The following PXYLP1 variants were observed in gnomAD, a reference collection of about 807,000 sequenced individuals.
The protein encoded by PXYLP1 is 2-phosphoxylose phosphatase 1.
In PXYLP1, 17 loss-of-function variants were observed where a neutral mutation model predicts 37.9. The ratio of observed to expected loss-of-function variants is 0.45; its 90% confidence interval spans 0.31 to 0.67. The LOEUF is 0.67. Among genes scored for constraint, PXYLP1 ranks in the 30% least tolerant of loss-of-function variants. PXYLP1 has a pLI of 0.07. For synonymous variants in PXYLP1, 221 were observed against 232.2 expected, an observed-to-expected ratio of 0.95 and a Z score of 0.44; for missense variants, 511 against 612.0, an observed-to-expected ratio of 0.84 and a Z score of 1.74.
At chr3:141,233,482 A>C (rs932386094) in intron 1 of PXYLP1, among the ~76,000 whole-genome samples, 6 of 151,786 alleles carry the variant, frequency 4.0e-5, no homozygotes, top group African/African-American at 9.7e-5. Flanking sequence ...AAAAAAAAAA[A>C]AAACCCTCGT....
intron 1 of PXYLP1, among the ~76,000 whole-genome samples, chr3:141,249,373 A>G (rs533337881): frequency 2.0e-5 from 3 of 151,814 alleles, no homozygotes; most frequent in East Asian, 3.9e-4. Flanking sequence ...CCGTTCCTAT[A>G]TAATATTGTT....
chr3:141,249,733 C>T (rs547432952), intron 1 of PXYLP1, among the ~76,000 whole-genome samples: 19 of 152,248 alleles, frequency 1.2e-4, no homozygotes, highest in African/African-American at 4.6e-4. Context: ...AGCTTCTCGA[C>T]ATTCTAAAAT....
At chr3:141,250,099 G>A (rs1441939645) in intron 1 of PXYLP1, among the ~76,000 whole-genome samples, 1 of 152,124 alleles carries the variant, frequency 6.6e-6, no homozygotes, top group African/African-American at 2.4e-5. Context: ...AGAAATGGTA[G>A]CTAAATAATT....
chr3:141,274,499 T>C, intron 2 of PXYLP1: 1 of 1,524,548 alleles, frequency 6.6e-7, no homozygotes, highest in Non-Finnish European at 8.8e-7. Context: ...AGGTGTCTCC[T>C]CTGGGAAGCC....
intron 1 of PXYLP1, among the ~76,000 whole-genome samples, chr3:141,250,088 AAG>A (rs1364168881): frequency 6.6e-6 from 1 of 152,190 alleles, no homozygotes; most frequent in Non-Finnish European, 1.5e-5. Flanking sequence ...CCTTTTAGGA[AAG>A]AAATGGTAGC....
chr3:141,244,636 C>T (rs868157364), intron 1 of PXYLP1, among the ~76,000 whole-genome samples: 37 of 148,940 alleles, frequency 2.5e-4, no homozygotes, highest in African/African-American at 6.5e-4. Flanking sequence ...TTTAACTTGG[C>T]GATATTTCTT....
At chr3:141,266,445 A>G (rs1378014118) in intron 2 of PXYLP1, among the ~76,000 whole-genome samples, 1 of 152,088 alleles carries the variant, frequency 6.6e-6, no homozygotes, top group African/African-American at 2.4e-5. Flanking sequence ...TGCGGTGCAG[A>G]TGGAAGAGAG....
Position 141,278,406 on chromosome 3 carries a change from GCCCGA to G in PXYLP1, c.148_152del (p.Asp50CysfsTer12). On this transcript the variant is annotated frameshift_variant, in exon 3 of 6. Coordinates refer to ENST00000286353, the MANE Select transcript of PXYLP1 (RefSeq NM_001037172.3). LOFTEE classifies it high-confidence loss of function. The stretch of plus-strand genomic sequence containing the variant: ...GTAGCAAGAGTCGAAAGAGAATCAT[GCCCGA>G]CCCTGTGACGGAGCCCCCTGTGACA... The G allele has an allele frequency of 6.2e-7, 1 of 1,614,190 alleles. No individual in the cohort carries two copies. Among genetic ancestry groups the G allele is most frequent in the Non-Finnish European group, 8.5e-7 (1 of 1,180,034 alleles).
At chr3:141,268,196 AGAGAGAGAGAGTGTGTGTGTGTGT>A (rs1362578910) in intron 2 of PXYLP1, among the ~76,000 whole-genome samples, 2 of 55,810 alleles carry the variant, frequency 3.6e-5, no homozygotes, top group African/African-American at 8.6e-5. Flanking sequence ...AGAGAGAGAG[AGAGAGAGAGAGTGTGTGTGTGTGT>A]GTGTGTGTGT....
intron 5 of PXYLP1, among the ~76,000 whole-genome samples, chr3:141,287,854 C>T (rs1477191878): frequency 6.6e-6 from 1 of 152,234 alleles, no homozygotes; most frequent in Non-Finnish European, 1.5e-5. Flanking sequence ...TAATATTTCC[C>T]TATGAATAAC....
chr3:141,269,422 A>G (rs1251542416), intron 2 of PXYLP1, among the ~76,000 whole-genome samples: 1 of 152,026 alleles, frequency 6.6e-6, no homozygotes, highest in Non-Finnish European at 1.5e-5. Flanking sequence ...TTTTCTTTTT[A>G]TACTTTAGTG....
chr3:141,248,311 G>T (rs1408499351), intron 1 of PXYLP1, among the ~76,000 whole-genome samples: 1 of 152,016 alleles, frequency 6.6e-6, no homozygotes, highest in Non-Finnish European at 1.5e-5. Flanking sequence ...GATTACAGGA[G>T]TGAGCCACTG....
chr3:141,251,087 A>T (rs1941129881), intron 1 of PXYLP1, among the ~76,000 whole-genome samples: 2 of 152,222 alleles, frequency 1.3e-5, no homozygotes, highest in South Asian at 4.1e-4. Context: ...GAGCCCCATG[A>T]AGAGTACCAG....
chr3:141,249,111 G>A (rs557601887), intron 1 of PXYLP1, among the ~76,000 whole-genome samples: 6 of 151,916 alleles, frequency 3.9e-5, no homozygotes, highest in East Asian at 3.9e-4. Context: ...TGAGACAGCC[G>A]TGTTCTCAGA....
chr3:141,287,398 C>A lies in PXYLP1; in HGVS notation c.450C>A (p.Ser150=). ...SGASFESPLN[S]LPLYPNHPLC... ...CCTCTTTCGAAAGCCCCTTGAACTC[C>A]TTGCCTCTTTACCCAAATCACCCAT... The change falls in exon 5 of 6, where the codon TCC becomes TCA. Residue 150 remains serine (S), a synonymous_variant. Coordinates refer to ENST00000286353, the MANE Select transcript of PXYLP1 (RefSeq NM_001037172.3). The A allele has an allele frequency of 1.2e-6, 2 of 1,614,160 alleles. No homozygotes were observed. The highest frequency in any genetic ancestry group is 1.7e-6 in the Non-Finnish European group (2 of 1,180,028).
At chr3:141,245,548 G>T (rs952412472) in intron 1 of PXYLP1, among the ~76,000 whole-genome samples, 4 of 152,186 alleles carry the variant, frequency 2.6e-5, no homozygotes, top group African/African-American at 9.7e-5. Flanking sequence ...GTTCAGGGTT[G>T]CTGGCCTGTT....
At chr3:141,263,646 C>CAAGG (rs1236018924) in intron 2 of PXYLP1, among the ~76,000 whole-genome samples, 1 of 152,188 alleles carries the variant, frequency 6.6e-6, no homozygotes, top group Non-Finnish European at 1.5e-5. Flanking sequence ...TTTCTTAATG[C>CAAGG]TGATTTTATG....
intron 5 of PXYLP1, chr3:141,291,505 T>A (rs1019154531): frequency 1.3e-5 from 2 of 152,264 alleles, no homozygotes; most frequent in African/African-American, 4.8e-5. Context: ...TAGTTTCTTA[T>A]ACAACTTTCC....
Position 141,253,914 on chromosome 3 carries a change from A to C in PXYLP1, c.-53-6209A>C, listed in dbSNP as rs544524101. ...TAATATATAAATTATGAATATATAT[A>C]TAATTTTTATTTTTTGAGATGAAGT... is the stretch of plus-strand genomic sequence containing the variant. On this transcript the variant is annotated intron_variant, in intron 1 of 5. Transcript: ENST00000286353. Among the ~76,000 whole-genome samples, 9 of 148,696 alleles carry C rather than the reference A, an allele frequency of 6.1e-5. No homozygotes were observed. In the South Asian group the frequency reaches 1.9e-3, roughly 31 times the overall value.
Sources: gnomAD v4.1 joint callset for allele counts (sites outside exome capture counted in the v4.1 genomes callset) on GRCh38, gnomAD v4.1.1 for gene constraint, MANE v1.5 for transcripts, NCBI Gene and HGNC (gene_info 2026-07-23, HGNC 2026-07-21) for gene names.